The following SLC22A23 variants were observed in gnomAD, a reference collection of about 807,000 sequenced individuals.
SLC22A23 encodes ion transporter protein.
SLC22A23 carries 26 observed loss-of-function variants against 61.0 expected under a neutral mutation model. The observed-to-expected ratio is 0.43, with a 90% confidence interval of 0.31 to 0.59. The LOEUF (loss-of-function observed/expected upper bound fraction) is 0.59, where lower values mean the gene tolerates loss of function less well. Ranked by LOEUF, SLC22A23 falls within the 20% of genes least tolerant of loss-of-function variation. The pLI is 0.11. For synonymous variants in SLC22A23, 430 were observed against 413.9 expected (o/e 1.04, Z -0.47); for missense variants, 796 against 934.7 (o/e 0.85, Z 1.94).
Position 3,363,779 on chromosome 6 carries a change from GC to G in SLC22A23, c.914-39778del, listed in dbSNP as rs1391068317. ...GGTGGTGGTGGGAGCTGCCTCCTTG[GC>G]CTCTGCTCAGCCATCTACTACATGG... On this transcript the variant is annotated intron_variant, in intron 3 of 9. Coordinates refer to ENST00000406686, the MANE Select transcript of SLC22A23 (RefSeq NM_015482.2). Among the ~76,000 whole-genome samples the G allele has an allele frequency of 2.6e-5, 4 of 152,332 alleles. No individual in the cohort carries two copies. The East Asian group carries it at 7.7e-4, about 29-fold the overall frequency.
At chr6:3,296,988 G>A (rs1304180866) in intron 5 of SLC22A23, among the ~76,000 whole-genome samples, 4 of 152,202 alleles carry the variant, frequency 2.6e-5, no homozygotes, top group East Asian at 1.9e-4. Flanking sequence ...CTGCACCTGT[G>A]CCCCTGGAGC....
At position 3,456,205 on chromosome 6, in the gene SLC22A23, A is replaced by G; in HGVS notation, c.355T>C (p.Phe119Leu). 6.4e-7 allele frequency: 1 copy of G among 1,551,240 alleles called. No individual in the cohort carries two copies. Among genetic ancestry groups the G allele is most frequent in the Non-Finnish European group, 8.7e-7 (1 of 1,146,814 alleles). Reference sequence around the variant, plus strand: ...CAGAAGTTGGGCTGGTCCAGGAGGAACGAGTCCGAGAACTGGCTGAAGCCG... The same window carrying G: ...CAGAAGTTGGGCTGGTCCAGGAGGAGCGAGTCCGAGAACTGGCTGAAGCCG... The part of the protein sequence containing the change: ...FIGFSQFSDS[F>L]LLDQPNFWCR... The change falls in exon 1 of 10, where the codon TTC becomes CTC. Residue 119 changes from phenylalanine (F) to leucine (L), a missense_variant. Coordinates refer to ENST00000406686, the MANE Select transcript of SLC22A23 (RefSeq NM_015482.2). This position sits in a 1 kb window ranked among gnomAD's most constrained non-coding sequence, Gnocchi z 7.1.
chr6:3,434,396 G>T (rs1771069217), intron 1 of SLC22A23, among the ~76,000 whole-genome samples: 1 of 151,942 alleles, frequency 6.6e-6, no homozygotes, highest in South Asian at 2.1e-4. Flanking sequence ...GGATCACAAG[G>T]TCAGGAGATC....
chr6:3,288,322 C>CT (rs1205810237), intron 6 of SLC22A23, among the ~76,000 whole-genome samples: 2 of 152,254 alleles, frequency 1.3e-5, no homozygotes, highest in African/African-American at 4.8e-5. Context: ...TCCTTCTCAT[C>CT]TAACCTTGAG....
chr6:3,306,676 G>A (rs550893782), intron 4 of SLC22A23, among the ~76,000 whole-genome samples: 2 of 152,326 alleles, frequency 1.3e-5, no homozygotes, highest in Admixed American at 1.3e-4. Flanking sequence ...CTGATCCCCA[G>A]GGCTTCTGTG....
At chr6:3,312,822 T>G (rs1762437353) in intron 4 of SLC22A23, 1 of 152,318 alleles carries the variant, frequency 6.6e-6, no homozygotes. Context: ...CCCCACAAAG[T>G]GCACACACGT....
intron 3 of SLC22A23, among the ~76,000 whole-genome samples, chr6:3,373,216 C>T (rs1358839607): frequency 3.9e-5 from 6 of 152,200 alleles, no homozygotes; most frequent in East Asian, 3.9e-4. Flanking sequence ...GTCTCTAGTG[C>T]GATTCCCTGG....
rs1054186951 is a variant in SLC22A23 at position 3,271,777 on chromosome 6, G to A, written c.*1278C>T. On this transcript the variant is annotated 3_prime_UTR_variant, in exon 10 of 10. Coordinates refer to ENST00000406686, the MANE Select transcript of SLC22A23 (RefSeq NM_015482.2). ...CAAGAGGAAACCTCCACTTTCTGGGGTGAAACGAGGAACACGAAGAGACCC... is the reference window on the plus strand; with the variant it reads ...CAAGAGGAAACCTCCACTTTCTGGGATGAAACGAGGAACACGAAGAGACCC... 5 of 152,390 alleles carry A rather than the reference G, an allele frequency of 3.3e-5. No individual in the cohort carries two copies. The highest frequency in any genetic ancestry group is 4.8e-5 in the African/African-American group (2 of 41,474). The allele number at this position is 152,390 out of a possible 1,614,324, so 9.4% of individuals were successfully genotyped here. A position where few individuals can be genotyped will look rare whatever the true frequency, so the allele number is the denominator to read the frequency against.
At chr6:3,314,315 C>T (rs1359298032) in intron 4 of SLC22A23, among the ~76,000 whole-genome samples, 3 of 152,214 alleles carry the variant, frequency 2.0e-5, no homozygotes, top group Non-Finnish European at 4.4e-5. Flanking sequence ...GGCCACAGAA[C>T]CCCGGGCTCA....
intron 1 of SLC22A23, chr6:3,432,253 C>G (rs974769515): frequency 2.0e-6 from 2 of 985,362 alleles, no homozygotes; most frequent in African/African-American, 1.7e-5. Context: ...GGCAGGAAAG[C>G]TCTGTTCCTC....
In SLC22A23 at chr6:3,455,923, G is replaced by T; in HGVS notation, c.637C>A (p.Gln213Lys). ...WDYGIRAGLV[Q>K]NVVSKWDLVC... ...GCCCTTACCTTGCTGACCACGTTCT[G>T]GACGAGGCCGGCGCGGATGCCGTAG... The change falls in exon 1 of 10, where the codon CAG becomes AAG. Residue 213 changes from glutamine to lysine, a missense_variant. By Grantham distance (53) the Gln-to-Lys change is moderately conservative (BLOSUM62 1). Transcript: ENST00000406686. 1 of 1,511,794 alleles carries T rather than the reference G, an allele frequency of 6.6e-7. No individual in the cohort carries two copies. 93.6% of individuals were successfully genotyped at this position (1,511,794 alleles called of 1,614,324 possible).
chr6:3,281,696 C>T (rs915218821), intron 9 of SLC22A23, among the ~76,000 whole-genome samples: 2 of 152,132 alleles, frequency 1.3e-5, no homozygotes, highest in Admixed American at 1.3e-4. Context: ...CTAGGGCCTC[C>T]GTGGGAATTG....
chr6:3,448,022 C>G (rs1469757565), intron 1 of SLC22A23, among the ~76,000 whole-genome samples: 1 of 151,408 alleles, frequency 6.6e-6, no homozygotes, highest in Non-Finnish European at 1.5e-5. Context: ...CCTGCCTCAG[C>G]CTCCTGAGTA....
intron 3 of SLC22A23, among the ~76,000 whole-genome samples, chr6:3,363,026 T>A (rs1160405098): frequency 6.6e-6 from 1 of 152,206 alleles, no homozygotes; most frequent in Non-Finnish European, 1.5e-5. Flanking sequence ...CCACTTGACC[T>A]GCTCAGCACT....
intron 4 of SLC22A23, chr6:3,312,248 T>C (rs1180092698): frequency 2.0e-5 from 3 of 152,230 alleles, no homozygotes; most frequent in Non-Finnish European, 2.9e-5. Flanking sequence ...CTACAATCTA[T>C]AACCTTCCAT....
chr6:3,394,189 C>T (rs745880044), intron 3 of SLC22A23, among the ~76,000 whole-genome samples: 9 of 152,022 alleles, frequency 5.9e-5, no homozygotes, highest in Non-Finnish European at 7.4e-5. Flanking sequence ...TGTAATATCC[C>T]GGGACTGCAG....
Position 3,273,205 on chromosome 6 carries a change from C to T in SLC22A23, c.1911G>A (p.Thr637=), listed in dbSNP as rs771053683. The T allele has an allele frequency of 2.0e-5, 33 of 1,612,968 alleles. No individual in the cohort carries two copies. The highest frequency in any genetic ancestry group is 2.2e-5 in the South Asian group (2 of 91,010). Residue 637 remains threonine (T), a synonymous_variant, in exon 10 of 10, where the codon ACG becomes ACA. Transcript: ENST00000406686. ...PENISNGEHY[T]RQPLLPHKKG... ...TCTTGTGCGGCAGCAGCGGCTGGCG[C>T]GTGTAGTGCTCCCCGTTAGAAATGT...
chr6:3,385,522 CA>C (rs58552606), intron 3 of SLC22A23, among the ~76,000 whole-genome samples: 28,116 of 150,278 alleles, frequency 0.19, 2,902 homozygotes, highest in African/African-American at 0.28. Context: ...TCTCAAAAAA[CA>C]AAAAAAAAGG....
In SLC22A23 at chr6:3,273,128, C is replaced by G. The variant is rs369257893; in HGVS notation, c.1988G>C (p.Gly663Ala). Residue 663 changes from glycine (G) to alanine (A), a missense_variant, in exon 10 of 10, where the codon GGC (glycine) becomes GCC (alanine). Physicochemically the swap from Gly to Ala is moderately conservative, Grantham distance 60. Transcript: ENST00000406686. ...ACCCGCGGCTGCGGCATCGTGGAGG[C>G]CCGAGTAGTCCTTGAGCTCGGCGTT... ...LTNAELKDYS[G>A]LHDAAAAGDT... 3.1e-6 allele frequency: 5 copies of G among 1,608,328 alleles called. No individual in the cohort carries two copies. The highest frequency in any genetic ancestry group is 2.2e-5 in the East Asian group (1 of 44,856).
Sources: allele counts gnomAD v4.1 joint callset (sites outside exome capture counted in the v4.1 genomes callset), GRCh38; gene constraint gnomAD v4.1.1; non-coding constraint Gnocchi (gnomAD v3.1); transcripts MANE v1.5; gene names NCBI Gene and HGNC (gene_info 2026-07-23, HGNC 2026-07-21).